The following SLC25A21 variants were observed in gnomAD, a reference collection of about 807,000 sequenced individuals.
SLC25A21 encodes mitochondrial 2-oxodicarboxylate carrier.
SLC25A21 carries 47 observed loss-of-function variants against 43.8 expected under a neutral mutation model. The ratio of observed to expected loss-of-function variants is 1.07; its 90% CI spans 0.85 to 1.37. The LOEUF (loss-of-function observed/expected upper bound fraction) is 1.37, where lower values mean the gene tolerates loss of function less well. SLC25A21 is among the 40% of genes most tolerant of loss of function. The pLI is 0.00. For missense variants in SLC25A21, 352 were observed against 350.2 expected, an observed-to-expected ratio of 1.00 and a Z score of -0.04; for synonymous variants, 131 against 121.3, an observed-to-expected ratio of 1.08 and a Z score of -0.52.
At chr14:36,922,553 T>G (rs1460503543) in intron 1 of SLC25A21, among the ~76,000 whole-genome samples, 1 of 149,390 alleles carries the variant, frequency 6.7e-6, no homozygotes, top group East Asian at 2.0e-4. Context: ...TTTTTTTTTG[T>G]TAAATTGTTG....
chr14:37,100,520 G>C (rs1017655798), intron 1 of SLC25A21, among the ~76,000 whole-genome samples: 1 of 152,172 alleles, frequency 6.6e-6, no homozygotes, highest in Non-Finnish European at 1.5e-5. Flanking sequence ...ATCTCAACTG[G>C]AATATTTCTT....
chr14:37,034,162 G>A (rs1444718802), intron 1 of SLC25A21, among the ~76,000 whole-genome samples: 3 of 152,060 alleles, frequency 2.0e-5, no homozygotes, highest in South Asian at 2.1e-4. Flanking sequence ...TACTACAGAT[G>A]CCTGCCACTA....
intron 2 of SLC25A21, among the ~76,000 whole-genome samples, chr14:36,852,135 T>G (rs1399540845): frequency 6.6e-6 from 1 of 152,212 alleles, no homozygotes; most frequent in South Asian, 2.1e-4. Context: ...CTGATCCAAA[T>G]GAGCATTCTA....
chr14:37,015,288 G>A (rs1285200491), intron 1 of SLC25A21, among the ~76,000 whole-genome samples: 15 of 146,064 alleles, frequency 1.0e-4, no homozygotes, highest in East Asian at 4.1e-4. Flanking sequence ...GAGAACATGC[G>A]GTGTTTGGTT....
At chr14:36,759,463 A>AT (rs1886059157) in intron 3 of SLC25A21, among the ~76,000 whole-genome samples, 1 of 152,114 alleles carries the variant, frequency 6.6e-6, no homozygotes, top group East Asian at 1.9e-4. Context: ...CAAATTCCTG[A>AT]TTTTACAAAC....
intron 3 of SLC25A21, among the ~76,000 whole-genome samples, chr14:36,811,185 A>G (rs985489073): frequency 2.0e-5 from 3 of 152,204 alleles, no homozygotes; most frequent in Non-Finnish European, 4.4e-5. Context: ...CTTGAACTCC[A>G]TACCATGAGG....
At chr14:36,876,995 A>G (rs1407866545) in intron 1 of SLC25A21, among the ~76,000 whole-genome samples, 17 of 151,892 alleles carry the variant, frequency 1.1e-4, no homozygotes, top group Admixed American at 1.1e-3. Context: ...AAGCTTTATT[A>G]TATTAGTTAT....
chr14:37,070,953 A>T (rs923733601), intron 1 of SLC25A21, among the ~76,000 whole-genome samples: 1 of 152,144 alleles, frequency 6.6e-6, no homozygotes. Flanking sequence ...CGGGGGAAGG[A>T]CTCATCACAC....
At chr14:36,789,848 T>TTTATATATTTATATTTAATATATA (rs1566615901) in intron 3 of SLC25A21, among the ~76,000 whole-genome samples, 1 of 111,800 alleles carries the variant, frequency 8.9e-6, no homozygotes, top group Non-Finnish European at 1.7e-5. Context: ...TTTAATATAT[T>TTTATATATTTATATTTAATATATA]TTATATATTT....
intron 3 of SLC25A21, among the ~76,000 whole-genome samples, chr14:36,738,555 C>T (rs1379508014): frequency 6.6e-6 from 1 of 152,162 alleles, no homozygotes; most frequent in Non-Finnish European, 1.5e-5. Context: ...CGTTTATGTA[C>T]AGTGAAGGCA....
At chr14:36,855,315 A>C (rs1211254108) in intron 2 of SLC25A21, among the ~76,000 whole-genome samples, 1 of 152,090 alleles carries the variant, frequency 6.6e-6, no homozygotes, top group African/African-American at 2.4e-5. Context: ...AGTAGTAGGA[A>C]AAGTTCAGGG....
rs200035848 is a variant in SLC25A21 at position 37,172,289 on chromosome 14, C to G, written c.62G>C (p.Gly21Ala). 119 of 1,597,478 alleles carry G rather than the reference C, an allele frequency of 7.4e-5. No homozygotes were observed. The East Asian group carries it at 2.6e-3, about 35-fold the overall frequency. ...REASRQIVAG[G>A]SAGLVEICLM... The stretch of plus-strand genomic sequence containing the variant: ...GGGCGGGCTGTCCTTACCTGCAGAA[C>G]CACCGGCCACGATCTGCCGAGAAGC... Residue 21 changes from glycine (G) to alanine (A), a missense_variant, in exon 1 of 10, where the codon GGT becomes GCT. Transcript: ENST00000331299.
At chr14:37,034,623 TC>T (rs1961288324) in intron 1 of SLC25A21, among the ~76,000 whole-genome samples, 1 of 152,192 alleles carries the variant, frequency 6.6e-6, no homozygotes, top group African/African-American at 2.4e-5. Flanking sequence ...GTGCTGAGCA[TC>T]CTGCATGTCA....
At chr14:37,120,532 C>T (rs1004921591) in intron 1 of SLC25A21, among the ~76,000 whole-genome samples, 2 of 152,172 alleles carry the variant, frequency 1.3e-5, no homozygotes, top group Non-Finnish European at 2.9e-5. Flanking sequence ...AACACCAAAA[C>T]AGCTGCCAAA....
intron 1 of SLC25A21, among the ~76,000 whole-genome samples, chr14:37,003,168 G>A (rs1283182712): frequency 6.6e-6 from 1 of 152,120 alleles, no homozygotes; most frequent in East Asian, 1.9e-4. Context: ...ATTAGGCACA[G>A]TAAGAAATTG....
intron 7 of SLC25A21, 58 bp from the exon 8 acceptor site, chr14:36,684,983 A>C (rs1882472608): frequency 1.6e-5 from 23 of 1,402,666 alleles, no homozygotes; most frequent in Non-Finnish European, 2.2e-5. Context: ...TAAATCAGTT[A>C]AACACTATAA....
intron 1 of SLC25A21, among the ~76,000 whole-genome samples, chr14:37,005,400 A>G (rs1417886611): frequency 6.6e-6 from 1 of 152,078 alleles, no homozygotes; most frequent in Non-Finnish European, 1.5e-5. Context: ...CGTTTCCCTT[A>G]TTGATTCCCT....
At chr14:36,717,899 G>A (rs112121106) in intron 6 of SLC25A21, among the ~76,000 whole-genome samples, 1 of 152,120 alleles carries the variant, frequency 6.6e-6, no homozygotes, top group Non-Finnish European at 1.5e-5. Flanking sequence ...GAGTGTGAGC[G>A]TCAGGAAAAA....
intron 7 of SLC25A21, among the ~76,000 whole-genome samples, chr14:36,687,716 CCAT>C (rs1882616652): frequency 6.6e-6 from 1 of 152,160 alleles, no homozygotes; most frequent in African/African-American, 2.4e-5. Flanking sequence ...ATGCCGCTAG[CCAT>C]CCTCGCATGA....
Sources: gnomAD v4.1 joint callset for allele counts (sites outside exome capture counted in the v4.1 genomes callset) on GRCh38, gnomAD v4.1.1 for gene constraint, MANE v1.5 for transcripts, NCBI Gene and HGNC (gene_info 2026-07-23, HGNC 2026-07-21) for gene names.